The following NSUN6 variants were observed in gnomAD, a reference collection of about 807,000 sequenced individuals.
NSUN6 encodes NOP2/Sun RNA methyltransferase 6.
NSUN6 carries 64 observed loss-of-function variants against 58.0 expected under a neutral mutation model. The ratio of observed to expected loss-of-function variants is 1.10; its 90% CI spans 0.90 to 1.36. NSUN6 has a LOEUF of 1.36. Ranked by LOEUF, NSUN6 falls within the 40% of genes most tolerant of loss-of-function variation. NSUN6 has a pLI of 0.00. For missense variants in NSUN6, 701 were observed against 550.1 expected, an observed-to-expected ratio of 1.27 and a Z score of -2.74; for synonymous variants, 231 against 193.9, an observed-to-expected ratio of 1.19 and a Z score of -1.59.
intron 8 of NSUN6, among the ~76,000 whole-genome samples, chr10:18,580,180 A>G (rs1029570615): frequency 6.6e-6 from 1 of 152,182 alleles, no homozygotes; most frequent in Non-Finnish European, 1.5e-5. Flanking sequence ...GCCTCTGGAA[A>G]ATGTCCTAAG....
chr10:18,651,284 TG>T lies in NSUN6; in HGVS notation c.-82del. The T allele has an allele frequency of 5.4e-6, 8 of 1,472,258 alleles. No individual in the cohort carries two copies. The South Asian group carries it at 1.0e-4, about 19-fold the overall frequency. 91.2% of individuals were successfully genotyped at this position (1,472,258 alleles called of 1,614,324 possible). A position where few individuals can be genotyped will look rare whatever the true frequency, so the allele number is the denominator to read the frequency against. ...TTTTTTTTTCTTTCCGAATTAATAGTGACGAGTGTCTTGACACCAGATGCTG... is the reference window on the plus strand; with the variant it reads ...TTTTTTTTTCTTTCCGAATTAATAGTACGAGTGTCTTGACACCAGATGCTG... On this transcript the variant is annotated 5_prime_UTR_variant, in exon 1 of 11. Coordinates refer to ENST00000377304, the MANE Select transcript of NSUN6 (RefSeq NM_182543.5).
chr10:18,605,131 C>T lies in NSUN6; in HGVS notation c.657+4714G>A, dbSNP rs569669460. On this transcript the variant is annotated intron_variant, in intron 6 of 10. Coordinates refer to ENST00000377304, the MANE Select transcript of NSUN6 (RefSeq NM_182543.5). ...CCATCTCCTGACCTCGTAATCCGCC[C>T]GTCTCGGCCTCCCAAAGTGCTGGGA... Among the ~76,000 whole-genome samples, 77 of 151,102 alleles carry T rather than the reference C, an allele frequency of 5.1e-4. 1 individual carries two copies. The Middle Eastern group carries it at 0.01, about 20-fold the overall frequency.
At chr10:18,638,566 G>T (rs1200267363) in intron 3 of NSUN6, among the ~76,000 whole-genome samples, 1 of 152,134 alleles carries the variant, frequency 6.6e-6, no homozygotes, top group Non-Finnish European at 1.5e-5. Flanking sequence ...AAAAGACAAG[G>T]TACTGTTACA....
chr10:18,652,283 C>G, upstream of NSUN6: 1 of 984,708 alleles, frequency 1.0e-6, no homozygotes, highest in Non-Finnish European at 1.2e-6. Flanking sequence ...GGATATCTAA[C>G]CAAACTCACT....
intron 6 of NSUN6, among the ~76,000 whole-genome samples, chr10:18,598,050 C>A (rs1036960982): frequency 6.6e-6 from 1 of 152,180 alleles, no homozygotes; most frequent in African/African-American, 2.4e-5. Context: ...AACTGAAGAT[C>A]CACAAAAGAA....
At chr10:18,574,118 G>A (rs972651439) in intron 8 of NSUN6, among the ~76,000 whole-genome samples, 6 of 152,044 alleles carry the variant, frequency 3.9e-5, no homozygotes, top group Non-Finnish European at 1.5e-5. Context: ...TCAAGAACAC[G>A]GAGGCTGCCA....
intron 5 of NSUN6, among the ~76,000 whole-genome samples, chr10:18,614,004 A>G (rs1305393032): frequency 6.6e-6 from 1 of 152,162 alleles, no homozygotes; most frequent in East Asian, 1.9e-4. Flanking sequence ...AAACCTAAAC[A>G]TTCATTTTTA....
intron 3 of NSUN6, among the ~76,000 whole-genome samples, chr10:18,621,251 G>A (rs1370396466): frequency 2.0e-5 from 3 of 152,184 alleles, no homozygotes; most frequent in Non-Finnish European, 2.9e-5. Flanking sequence ...AGCACTGGGG[G>A]ACTTCCTGTG....
intron 2 of NSUN6, among the ~76,000 whole-genome samples, chr10:18,644,501 C>CTTTT (rs35934175): frequency 0.19 from 27,355 of 146,244 alleles, 2,697 homozygotes; most frequent in South Asian, 0.29. Context: ...TAAGGTATGT[C>CTTTT]TTTTTTTTTT....
At chr10:18,552,668 CTCCAT>C (rs999904113) in intron 8 of NSUN6, among the ~76,000 whole-genome samples, 21 of 151,700 alleles carry the variant, frequency 1.4e-4, no homozygotes, top group East Asian at 3.9e-4. Context: ...CTATTCCATT[CTCCAT>C]TCCATTCCAT....
At chr10:18,599,242 T>A (rs1409374951) in intron 6 of NSUN6, among the ~76,000 whole-genome samples, 2 of 152,100 alleles carry the variant, frequency 1.3e-5, no homozygotes, top group African/African-American at 4.8e-5. Context: ...TAGCACTATA[T>A]CACTTCTTGG....
At chr10:18,595,384 G>A (rs960883596) in intron 7 of NSUN6, among the ~76,000 whole-genome samples, 4 of 152,150 alleles carry the variant, frequency 2.6e-5, no homozygotes, top group South Asian at 4.1e-4. Flanking sequence ...AAGCAAATAC[G>A]ATAAATATGC....
At position 18,600,959 on chromosome 10, in the gene NSUN6, T is replaced by TATATATATAC; in HGVS notation, c.658-4633_658-4632insGTATATATAT. Reference sequence around the variant, plus strand: ...AAAAAAAAATATATATATATATATATACATATATATATATATATGTATATA... The same window carrying TATATATATAC: ...AAAAAAAAATATATATATATATATATATATATATACACATATATATATATATATGTATATA... On this transcript the variant is annotated intron_variant, in intron 6 of 10. Coordinates refer to ENST00000377304, the MANE Select transcript of NSUN6 (RefSeq NM_182543.5). 1.6e-3 allele frequency among the ~76,000 whole-genome samples: 106 copies of TATATATATAC among 64,938 alleles called. 3 individuals are homozygous for TATATATATAC. Among genetic ancestry groups the TATATATATAC allele is most frequent in the African/African-American group, 5.0e-3 (95 of 18,948 alleles). The allele number at this position is 64,938 out of a possible 152,430, so 42.6% of individuals were successfully genotyped here.
intron 3 of NSUN6, among the ~76,000 whole-genome samples, chr10:18,640,830 CTT>C (rs2059368955): frequency 6.6e-6 from 1 of 150,784 alleles, no homozygotes; most frequent in African/African-American, 2.4e-5. Context: ...TACAAATCAA[CTT>C]TAATTGCAAA....
chr10:18,621,517 G>A (rs1209215773), intron 3 of NSUN6, among the ~76,000 whole-genome samples: 2 of 152,130 alleles, frequency 1.3e-5, no homozygotes, highest in Admixed American at 6.6e-5. Context: ...TTGTTGAAAG[G>A]GAGTTTTTAC....
At chr10:18,574,653 T>G (rs1440066737) in intron 8 of NSUN6, among the ~76,000 whole-genome samples, 1 of 152,150 alleles carries the variant, frequency 6.6e-6, no homozygotes, top group Non-Finnish European at 1.5e-5. Flanking sequence ...ACGTGTGAGC[T>G]GTTTGCACTC....
At chr10:18,607,721 T>C (rs1337396399) in intron 6 of NSUN6, among the ~76,000 whole-genome samples, 1 of 152,240 alleles carries the variant, frequency 6.6e-6, no homozygotes, top group African/African-American at 2.4e-5. Context: ...GGGTTACATC[T>C]GGAGCATTGG....
At position 18,619,846 on chromosome 10, in the gene NSUN6, G is replaced by T. The variant is rs531358686; in HGVS notation, c.312-3553C>A. ...TATTTCAAGTTTTTATATCATTTGAGATCTTGATATAAGAAACTACACATA... is the reference window on the plus strand; with the variant it reads ...TATTTCAAGTTTTTATATCATTTGATATCTTGATATAAGAAACTACACATA... On this transcript the variant is annotated intron_variant, in intron 3 of 10. Transcript: ENST00000377304. 3.3e-5 allele frequency among the ~76,000 whole-genome samples: 5 copies of T among 152,138 alleles called. No homozygotes were observed. The South Asian group carries it at 1.0e-3, about 32-fold the overall frequency.
chr10:18,597,878 A>C (rs1478037603), intron 6 of NSUN6, among the ~76,000 whole-genome samples: 1 of 152,254 alleles, frequency 6.6e-6, no homozygotes, highest in Non-Finnish European at 1.5e-5. Context: ...AGTGGTGAGA[A>C]AGCAGTTTCA....
Sources: allele counts gnomAD v4.1 joint callset (sites outside exome capture counted in the v4.1 genomes callset), GRCh38; gene constraint gnomAD v4.1.1; transcripts MANE v1.5; gene names NCBI Gene and HGNC (gene_info 2026-07-23, HGNC 2026-07-21).